The following ADAMTS3 variants were observed in gnomAD, a reference collection of about 807,000 sequenced individuals.
ADAMTS3 encodes A disintegrin and metalloproteinase with thrombospondin motifs 3.
A neutral mutation model predicts 129.0 loss-of-function variants in ADAMTS3; 73 were observed. That is an observed-to-expected ratio of 0.57 (90% CI 0.47 to 0.69). The LOEUF is 0.69. Among genes scored for constraint, ADAMTS3 ranks in the 30% least tolerant of loss-of-function variants. The probability of loss-of-function intolerance (pLI) is 0.00; values close to 1 mark genes in which losing one functional copy is unlikely to be tolerated. For synonymous variants in ADAMTS3, 477 were observed against 510.8 expected, an observed-to-expected ratio of 0.93 and a Z score of 0.89; for missense variants, 1,457 against 1,514.5, an observed-to-expected ratio of 0.96 and a Z score of 0.63.
At chr4:72,524,886 C>T (rs1268508650) in intron 3 of ADAMTS3, among the ~76,000 whole-genome samples, 1 of 152,108 alleles carries the variant, frequency 6.6e-6, no homozygotes, top group Non-Finnish European at 1.5e-5. Flanking sequence ...TAGGAAGCGT[C>T]CCTAAGACCT....
chr4:72,553,424 A>G (rs1384826445), intron 2 of ADAMTS3, among the ~76,000 whole-genome samples: 1 of 152,176 alleles, frequency 6.6e-6, no homozygotes, highest in Non-Finnish European at 1.5e-5. Context: ...AATTATAACT[A>G]TACAGGTCAA....
intron 4 of ADAMTS3, among the ~76,000 whole-genome samples, chr4:72,369,993 G>T (rs865792708): frequency 1.3e-5 from 2 of 152,196 alleles, no homozygotes; most frequent in South Asian, 4.1e-4. Flanking sequence ...AATGGGTTGT[G>T]TGAGCCCTTG....
At chr4:72,337,020 T>C (rs574473147) in intron 5 of ADAMTS3, among the ~76,000 whole-genome samples, 60 of 152,232 alleles carry the variant, frequency 3.9e-4, no homozygotes, top group Middle Eastern at 3.4e-3. Flanking sequence ...GCAATTCAGG[T>C]CTCATCAATA....
intron 3 of ADAMTS3, among the ~76,000 whole-genome samples, chr4:72,542,187 C>T (rs533548482): frequency 1.8e-4 from 28 of 152,122 alleles, no homozygotes; most frequent in Middle Eastern, 3.4e-3. Context: ...TGTTTTGAGA[C>T]GGAGTCTTGC....
chr4:72,285,570 TCCAA>T (rs1578550158), intron 21 of ADAMTS3, among the ~76,000 whole-genome samples: 1 of 151,808 alleles, frequency 6.6e-6, no homozygotes, highest in African/African-American at 2.4e-5. Flanking sequence ...AGAGAAGGAG[TCCAA>T]CCAAAGGTCT....
At chr4:72,555,904 C>T (rs1165544861) in intron 2 of ADAMTS3, among the ~76,000 whole-genome samples, 1 of 151,624 alleles carries the variant, frequency 6.6e-6, no homozygotes, top group Non-Finnish European at 1.5e-5. Flanking sequence ...GATGTGCTTG[C>T]TTCCCCTTCA....
chr4:72,541,006 C>CA (rs1721308277), intron 3 of ADAMTS3, among the ~76,000 whole-genome samples: 1 of 152,194 alleles, frequency 6.6e-6, no homozygotes, highest in Non-Finnish European at 1.5e-5. Context: ...AGAGGGCCAC[C>CA]ATCCTCCAGA....
chr4:72,294,276 T>A (rs1718750250), intron 19 of ADAMTS3, among the ~76,000 whole-genome samples: 1 of 151,984 alleles, frequency 6.6e-6, no homozygotes, highest in Non-Finnish European at 1.5e-5. Flanking sequence ...GAGACTAGAA[T>A]GGTGGTGATT....
At chr4:72,491,375 A>C (rs1719740568) in intron 3 of ADAMTS3, among the ~76,000 whole-genome samples, 1 of 151,746 alleles carries the variant, frequency 6.6e-6, no homozygotes, top group African/African-American at 2.4e-5. Context: ...TGTATTGTTC[A>C]GTATCTCAGA....
At chr4:72,430,012 G>A (rs1235217028) in intron 3 of ADAMTS3, among the ~76,000 whole-genome samples, 2 of 151,952 alleles carry the variant, frequency 1.3e-5, no homozygotes, top group South Asian at 2.1e-4. Flanking sequence ...CCTGAACAAC[G>A]GTTTAAGTAG....
intron 3 of ADAMTS3, among the ~76,000 whole-genome samples, chr4:72,502,680 A>T (rs1360444382): frequency 6.6e-6 from 1 of 152,046 alleles, no homozygotes; most frequent in Non-Finnish European, 1.5e-5. Flanking sequence ...TAGTTCCCCT[A>T]AGTTCAATGT....
At chr4:72,318,751 A>T in intron 9 of ADAMTS3, 47 bp from the exon 10 acceptor site, 7 of 1,574,928 alleles carry the variant, frequency 4.4e-6, no homozygotes, top group Non-Finnish European at 5.2e-6. Flanking sequence ...CACTTAAAAA[A>T]ATCATGTCCT....
chr4:72,442,357 G>T (rs759065806), intron 3 of ADAMTS3: 1 of 151,796 alleles, frequency 6.6e-6, no homozygotes, highest in Non-Finnish European at 1.5e-5. Context: ...CATACAAGAA[G>T]CACAGCTTTG....
At chr4:72,431,516 A>G (rs1189920436) in intron 3 of ADAMTS3, among the ~76,000 whole-genome samples, 2 of 152,040 alleles carry the variant, frequency 1.3e-5, no homozygotes. Context: ...GAATGCACTG[A>G]AAACTTTGTT....
chr4:72,530,650 T>C (rs1479305863), intron 3 of ADAMTS3, among the ~76,000 whole-genome samples: 1 of 72,190 alleles, frequency 1.4e-5, no homozygotes, highest in African/African-American at 5.2e-5. Flanking sequence ...TTATATATAA[T>C]ATTATATATA....
chr4:72,295,739 T>A lies in ADAMTS3; in HGVS notation c.2638A>T (p.Met880Leu). The A allele has an allele frequency of 1.2e-6, 2 of 1,612,890 alleles. No homozygotes were observed. Among genetic ancestry groups the A allele is most frequent in the Non-Finnish European group, 1.7e-6 (2 of 1,179,124 alleles). ...GCCTCACAGAAGCTGCGATGGACCA[T>A]TTTATTATCACTTTTCCTACGGCAT... ...YGCRRKSDNK[M>L]VHRSFCEANK... The change falls in exon 19 of 22, where the codon ATG (methionine) becomes TTG (leucine). Residue 880 changes from methionine to leucine, a missense_variant. Coordinates refer to ENST00000286657, the MANE Select transcript of ADAMTS3 (RefSeq NM_014243.3).
chr4:72,506,748 G>A (rs1193233878), intron 3 of ADAMTS3, among the ~76,000 whole-genome samples: 1 of 152,138 alleles, frequency 6.6e-6, no homozygotes, highest in Non-Finnish European at 1.5e-5. Context: ...CACAGAGGGA[G>A]GTTCTCTGCT....
intron 3 of ADAMTS3, among the ~76,000 whole-genome samples, chr4:72,471,142 C>T (rs565719167): frequency 3.3e-5 from 5 of 152,190 alleles, no homozygotes; most frequent in African/African-American, 1.2e-4. Flanking sequence ...GTGAGCCTGC[C>T]TTTTCAAGGA....
intron 3 of ADAMTS3, among the ~76,000 whole-genome samples, chr4:72,429,743 A>C (rs904489706): frequency 6.6e-6 from 1 of 152,096 alleles, no homozygotes; most frequent in African/African-American, 2.4e-5. Context: ...TATAATTTAA[A>C]GCATAGGAAT....
Sources: allele counts gnomAD v4.1 joint callset (sites outside exome capture counted in the v4.1 genomes callset), GRCh38; gene constraint gnomAD v4.1.1; transcripts MANE v1.5; gene names NCBI Gene and HGNC (gene_info 2026-07-23, HGNC 2026-07-21).